The following ZNF248 variants were observed in gnomAD, a reference collection of about 807,000 sequenced individuals.
ZNF248 encodes the protein zinc finger protein 248.
A neutral mutation model predicts 44.3 loss-of-function variants in ZNF248; 20 were observed. The observed-to-expected ratio is 0.45, with a 90% CI of 0.32 to 0.66. ZNF248 has a LOEUF of 0.66. Among genes scored for constraint, ZNF248 ranks in the 30% least tolerant of loss-of-function variants. The pLI is 0.04. For missense variants in ZNF248, 654 were observed against 677.0 expected, an observed-to-expected ratio of 0.97 and a Z score of 0.38; for synonymous variants, 224 against 229.0, an observed-to-expected ratio of 0.98 and a Z score of 0.20.
intron 6 of ZNF248, among the ~76,000 whole-genome samples, chr10:37,785,436 G>GTTTTA (rs2047772412): frequency 1.3e-5 from 2 of 152,144 alleles, no homozygotes; most frequent in Non-Finnish European, 2.9e-5. Context: ...ACAGTTTATT[G>GTTTTA]TGCAACAAAA....
downstream of ZNF248, among the ~76,000 whole-genome samples, chr10:37,772,282 C>A (rs1405594317): frequency 6.6e-6 from 1 of 150,380 alleles, no homozygotes; most frequent in Non-Finnish European, 1.5e-5. Context: ...AAAAAAAAGG[C>A]TTTCTAGTCT....
intron 3 of ZNF248, among the ~76,000 whole-genome samples, chr10:37,851,850 G>C (rs1387524661): frequency 6.8e-6 from 1 of 148,120 alleles, no homozygotes; most frequent in Non-Finnish European, 1.5e-5. Flanking sequence ...CATGCGTACA[G>C]TGGCTAGCGG....
At chr10:37,790,842 G>A (rs2048437351) in intron 6 of ZNF248, among the ~76,000 whole-genome samples, 1 of 150,226 alleles carries the variant, frequency 6.7e-6, no homozygotes, top group South Asian at 2.1e-4. Context: ...ATTGCTTGAG[G>A]CCAGAAGGTC....
intron 3 of ZNF248, among the ~76,000 whole-genome samples, chr10:37,850,139 A>G (rs995766835): frequency 1.3e-5 from 2 of 152,206 alleles, no homozygotes; most frequent in Admixed American, 6.5e-5. Context: ...CAGCTAAGGG[A>G]GCCTAAAGCT....
intron 6 of ZNF248, among the ~76,000 whole-genome samples, chr10:37,792,360 T>C (rs1371187850): frequency 6.6e-6 from 1 of 152,192 alleles, no homozygotes; most frequent in Non-Finnish European, 1.5e-5. Flanking sequence ...TGAGGCCACA[T>C]TGACATAAAT....
intron 6 of ZNF248, chr10:37,794,638 G>C (rs2048924261): frequency 1.2e-5 from 2 of 160,648 alleles, no homozygotes; most frequent in African/African-American, 4.8e-5. Context: ...TGCAAAAAAG[G>C]TTATCCTACA....
rs187251340 is a variant in ZNF248 at position 37,788,749 on chromosome 10, A to T, written c.331-12174T>A. The stretch of plus-strand genomic sequence containing the variant: ...ATAGTTATTATAAAAACAGACAATA[A>T]CAAATGATGTTGAGGATATGGAGAA... On this transcript the variant is annotated intron_variant, in intron 6 of 6. Coordinates refer to the ZNF248 transcript ENST00000615949. 3.3e-5 allele frequency among the ~76,000 whole-genome samples: 5 copies of T among 152,368 alleles called. No individual in the cohort carries two copies. The East Asian group carries it at 9.6e-4, about 29-fold the overall frequency.
rs1049403327 is a variant in ZNF248, at chr10:37,837,112, T to TTTTG, written c.238+501_238+504dup. ...AAAAAAAAAAAAAGTGTTTGTTTTT[T>TTTTG]TTTGTTTGTTTGTTTGTTTTGAGAC... is the stretch of plus-strand genomic sequence containing the variant. On this transcript the variant is annotated intron_variant, in intron 5 of 5. Coordinates refer to ENST00000395867, the MANE Select transcript of ZNF248 (RefSeq NM_021045.3). 1.4e-4 allele frequency among the ~76,000 whole-genome samples: 22 copies of TTTTG among 152,120 alleles called. No homozygotes were observed. In the East Asian group the frequency reaches 3.3e-3, roughly 23 times the overall value.
intron 3 of ZNF248, among the ~76,000 whole-genome samples, chr10:37,848,504 AC>A (rs1159111680): frequency 6.6e-6 from 1 of 150,932 alleles, no homozygotes; most frequent in East Asian, 1.9e-4. Flanking sequence ...AATCGCTTGA[AC>A]CCGGGAAGCA....
intron 3 of ZNF248, among the ~76,000 whole-genome samples, chr10:37,847,036 T>G (rs2059437647): frequency 6.6e-6 from 1 of 152,154 alleles, no homozygotes; most frequent in Admixed American, 6.5e-5. Flanking sequence ...TGTTTTGTTG[T>G]TGTTGCTGCT....
chr10:37,815,481 G>C (rs1446870107), intron 6 of ZNF248, among the ~76,000 whole-genome samples: 3 of 151,770 alleles, frequency 2.0e-5, no homozygotes, highest in Non-Finnish European at 4.4e-5. Flanking sequence ...GTACTTTTCA[G>C]CTCCAGAATT....
intron 3 of ZNF248, among the ~76,000 whole-genome samples, chr10:37,842,672 A>G (rs934270351): frequency 2.0e-5 from 3 of 152,186 alleles, no homozygotes; most frequent in African/African-American, 7.2e-5. Flanking sequence ...GGATAGAAAA[A>G]AAATAGTCCT....
chr10:37,843,124 T>C (rs997363018), intron 3 of ZNF248, among the ~76,000 whole-genome samples: 1 of 152,094 alleles, frequency 6.6e-6, no homozygotes, highest in Non-Finnish European at 1.5e-5. Flanking sequence ...CAGTGTCACA[T>C]ATAGAACAAG....
At chr10:37,849,564 G>A (rs1177891438) in intron 3 of ZNF248, among the ~76,000 whole-genome samples, 2 of 152,040 alleles carry the variant, frequency 1.3e-5, no homozygotes, top group Admixed American at 6.5e-5. Context: ...GAGGGCGCCT[G>A]TAGTCCCAGG....
chr10:37,853,247 A>G (rs1159528424), intron 3 of ZNF248, among the ~76,000 whole-genome samples: 1 of 152,234 alleles, frequency 6.6e-6, no homozygotes. Flanking sequence ...AAGTTATATT[A>G]AGTAACAATT....
Position 37,830,017 on chromosome 10 carries a change from C to A in ZNF248, c.*1598G>T. On this transcript the variant is annotated 3_prime_UTR_variant, in exon 6 of 6. Transcript: ENST00000395867. ...TCTTAGAACTGCTGACCAATGTGTT[C>A]CAAGGGGGCAAAAGAAACAACAGGA... 1.0e-6 allele frequency: 1 copy of A among 985,268 alleles called. No homozygotes were observed. Among genetic ancestry groups the A allele is most frequent in the Non-Finnish European group, 1.2e-6 (1 of 829,930 alleles). The allele number at this position is 985,268 out of a possible 1,614,324, so 61.0% of individuals were successfully genotyped here. A position where few individuals can be genotyped will look rare whatever the true frequency, so the allele number is the denominator to read the frequency against.
intron 6 of ZNF248, among the ~76,000 whole-genome samples, chr10:37,822,243 T>C (rs2053591801): frequency 6.6e-6 from 1 of 152,186 alleles, no homozygotes; most frequent in Admixed American, 6.5e-5. Context: ...AACAGCCTTG[T>C]CTACATAGAA....
intron 6 of ZNF248, among the ~76,000 whole-genome samples, chr10:37,790,290 A>G (rs1485652019): frequency 2.0e-5 from 3 of 149,694 alleles, no homozygotes; most frequent in African/African-American, 4.9e-5. Context: ...AAAAAAAAAA[A>G]GTAACTAGGG....
chr10:37,854,988 C>A (rs1436379764), intron 3 of ZNF248, among the ~76,000 whole-genome samples: 2 of 152,152 alleles, frequency 1.3e-5, no homozygotes, highest in African/African-American at 4.8e-5. Context: ...TAAATCAGAA[C>A]CTGCATGTTA....
Sources: gnomAD v4.1 joint callset for allele counts (sites outside exome capture counted in the v4.1 genomes callset) on GRCh38, gnomAD v4.1.1 for gene constraint, MANE v1.5 for transcripts, NCBI Gene and HGNC (gene_info 2026-07-23, HGNC 2026-07-21) for gene names.